Variants in SEMA4G observed in about 807,000 individuals in gnomAD.
SEMA4G encodes the protein semaphorin 4G, also known as semaphorin-4G.
SEMA4G carries 59 observed loss-of-function variants against 81.2 expected under a neutral mutation model. The ratio of observed to expected loss-of-function variants is 0.73; its 90% CI spans 0.59 to 0.90. The LOEUF is 0.90. Ranked by LOEUF, SEMA4G falls within the 40% of genes least tolerant of loss-of-function variation. SEMA4G has a pLI of 0.00. For missense variants in SEMA4G, 952 were observed against 1,102.3 expected, an observed-to-expected ratio of 0.86 and a Z score of 1.93; for synonymous variants, 404 against 433.9, an observed-to-expected ratio of 0.93 and a Z score of 0.86.
At position 100,973,016 on chromosome 10, in the gene SEMA4G, G is replaced by A. The variant is rs768824226; in HGVS notation, c.104G>A (p.Arg35Gln). ...TCTAGAGAACTAGATGCCACCCCTC[G>A]GATGACCATACCCTATGAAGGTTAG... The change falls in exon 1 of 14, where the codon CGG becomes CAG. Residue 35 changes from arginine to glutamine, a missense_variant. Physicochemically the swap from Arg to Gln is conservative, Grantham distance 43 (BLOSUM62 1). Around this residue, in one of 3 missense-constraint regions of SEMA4G, gnomAD observed 436 missense variants for 488.2 expected, o/e 0.89. Coordinates refer to ENST00000370250, the Ensembl canonical transcript of SEMA4G. The surrounding 1 kb of genome is among the most constrained non-coding windows in gnomAD (Gnocchi z 5.5). The A allele has an allele frequency of 1.2e-5, 20 of 1,613,922 alleles. No homozygotes were observed. Among genetic ancestry groups the A allele is most frequent in the Admixed American group, 3.3e-5 (2 of 59,990 alleles).
At chr10:100,978,323 G>C (rs151095552) in exon 5 of SEMA4G, 1 of 1,613,606 alleles carries the variant, frequency 6.2e-7, no homozygotes, top group Non-Finnish European at 8.5e-7. Flanking sequence ...TTGCCAACCA[G>C]CTTCGAGGAG....
intron 8 of SEMA4G, 36 bp downstream of exon 9, chr10:100,979,307 G>A (rs748319127): frequency 3.9e-5 from 63 of 1,613,978 alleles, no homozygotes; most frequent in South Asian, 2.1e-4. Flanking sequence ...AAGAAACTGC[G>A]GACAGCATAG....
At position 100,973,055 on chromosome 10, in the gene SEMA4G, AAAGG is replaced by A. The variant is rs746339193; in HGVS notation, c.124+20_124+23del. ...TATGAAGGTTAGACCCTCAACCTCAAAAGGCAGCAGAAGCCAGGGCTGGGGGTGG... is the reference window on the plus strand; with the variant it reads ...TATGAAGGTTAGACCCTCAACCTCAACAGCAGAAGCCAGGGCTGGGGGTGG... On this transcript the variant is annotated intron_variant, in intron 1 of 13. Coordinates refer to ENST00000370250, the Ensembl canonical transcript of SEMA4G. The surrounding 1 kb of genome is among the most constrained non-coding windows in gnomAD (Gnocchi z 5.5). The A allele has an allele frequency of 6.2e-7, 1 of 1,614,134 alleles. No individual in the cohort carries two copies. The highest frequency in any genetic ancestry group is 8.5e-7 in the Non-Finnish European group (1 of 1,180,010).
At chr10:100,981,196 G>A in exon 13 of SEMA4G, 1 of 1,614,248 alleles carries the variant, frequency 6.2e-7, no homozygotes, top group Non-Finnish European at 8.5e-7. Context: ...CATAGAGAGA[G>A]GAAATCGAGG....
At chr10:100,984,560 T>C (rs1370845164) in exon 14 of SEMA4G, 2 of 1,536,194 alleles carry the variant, frequency 1.3e-6, no homozygotes, top group African/African-American at 1.4e-5. Context: ...TGGATGGTCC[T>C]GAAACCAGAC....
rs750643700 is a variant in SEMA4G, at chr10:100,973,221, C to T, written c.217C>T (p.Arg73Ter). Residue 73 changes from arginine to a stop codon, truncating the protein, a stop_gained, in exon 2 of 14, where the codon CGA becomes TGA. Coordinates refer to ENST00000370250, the Ensembl canonical transcript of SEMA4G. LOFTEE classifies it high-confidence loss of function. This position sits in a 1 kb window ranked among gnomAD's most constrained non-coding sequence, Gnocchi z 5.5. ...CTCAGCAAGGCTGCTGGTGGGAGCC[C>T]GAGGTGCCCTGTTCTCTCTCAGTGC... 40 of 1,613,408 alleles carry T rather than the reference C, an allele frequency of 2.5e-5. No individual in the cohort carries two copies. Among genetic ancestry groups the T allele is most frequent in the Non-Finnish European group, 3.1e-5 (37 of 1,180,008 alleles).
At position 100,978,998 on chromosome 10, in the gene SEMA4G, C is replaced by T. The variant is rs765262844; in HGVS notation, c.793C>T (p.Arg265Cys). 1.2e-5 allele frequency: 19 copies of T among 1,614,024 alleles called. No individual in the cohort carries two copies. The highest frequency in any genetic ancestry group is 5.3e-5 in the African/African-American group (4 of 74,926). The change falls in exon 7 of 14, where the codon CGT becomes TGT. Residue 265 changes from arginine to cysteine, a missense_variant. This residue lies in a region of SEMA4G where 436 missense variants were observed against 488.2 expected (regional missense o/e 0.89). Transcript: ENST00000370250. ...GAGCCGCAGCAGTCACCGTGTGGCC[C>T]GTGTGGCTCGTGTCTGCAAGGTGGA... is the stretch of plus-strand genomic sequence containing the variant.
chr10:100,970,900 A>T (rs1249734009), upstream of SEMA4G, among the ~76,000 whole-genome samples: 5 of 152,200 alleles, frequency 3.3e-5, no homozygotes, highest in South Asian at 2.1e-4. Flanking sequence ...ACAGTCCTTG[A>T]CACAAACCCA....
At chr10:100,978,954 G>A (rs1850925211) in exon 7 of SEMA4G, 3 of 1,614,090 alleles carry the variant, frequency 1.9e-6, no homozygotes, top group East Asian at 2.2e-5. Flanking sequence ...ACTGAGGAGG[G>A]CTCTGGCAGC....
upstream of SEMA4G, among the ~76,000 whole-genome samples, chr10:100,971,993 GGGCAGAGATGT>G (rs1472734565): frequency 2.6e-5 from 4 of 152,286 alleles, no homozygotes; most frequent in East Asian, 7.7e-4. Context: ...AGACTGGCGT[GGGCAGAGATGT>G]GCACCCCCTT....
chr10:100,983,391 G>A lies in SEMA4G; in HGVS notation c.1777G>A (p.Ala593Thr), dbSNP rs1851219065. The change falls in exon 14 of 14, where the codon GCC becomes ACC. Residue 593 changes from alanine (A) to threonine (T), a missense_variant. Coordinates refer to ENST00000370250, the Ensembl canonical transcript of SEMA4G. ...TGACCAGCCATCCAACCTGGCCCGGGCCTTGTGGCTACTCAATGGGAGCAT... is the reference window on the plus strand; with the variant it reads ...TGACCAGCCATCCAACCTGGCCCGGACCTTGTGGCTACTCAATGGGAGCAT... The A allele has an allele frequency of 1.9e-6, 3 of 1,611,896 alleles. No individual in the cohort carries two copies. In the East Asian group the frequency reaches 6.7e-5, roughly 36 times the overall value.
chr10:100,978,594 C>A (rs1850906271), exon 6 of SEMA4G: 15 of 1,614,148 alleles, frequency 9.3e-6, no homozygotes, highest in Non-Finnish European at 1.3e-5. Flanking sequence ...GGAGCCGCCA[C>A]CCACACTCCC....
chr10:100,984,197 C>T (rs1180250824), exon 14 of SEMA4G: 1 of 1,530,610 alleles, frequency 6.5e-7, no homozygotes, highest in Non-Finnish European at 8.7e-7. Context: ...GCCACTGCCT[C>T]CCTAACACAG....
Position 100,973,950 on chromosome 10 carries a change from A to T in SEMA4G, c.336+341A>T, listed in dbSNP as rs1850705248. ...CATGCCACGCCCAGCTAAGTGTTTT[A>T]TTTTTTGTAGAAACAGGGTCTTGCT... is the stretch of plus-strand genomic sequence containing the variant. On this transcript the variant is annotated intron_variant, in intron 3 of 13. Coordinates refer to ENST00000370250, the Ensembl canonical transcript of SEMA4G. The surrounding 1 kb of genome is among the most constrained non-coding windows in gnomAD (Gnocchi z 5.5). Among the ~76,000 whole-genome samples the T allele has an allele frequency of 6.6e-6, 1 of 151,360 alleles. No individual in the cohort carries two copies. Among genetic ancestry groups the T allele is most frequent in the Non-Finnish European group, 1.5e-5 (1 of 67,848 alleles).
In SEMA4G at chr10:100,978,517, CCCA is replaced by C. The variant is rs761750855; in HGVS notation, c.530-8_530-6del. On this transcript the variant is annotated splice_polypyrimidine_tract_variant and splice_region_variant and intron_variant, in intron 5 of 13. Coordinates refer to ENST00000370250, the Ensembl canonical transcript of SEMA4G. ...ACATGTCTCTCATGCCTGGAATATC[CCCA>C]CGCCAGATGGAGGCCTCTACACAGC... 2.8e-5 allele frequency: 45 copies of C among 1,612,426 alleles called. No homozygotes were observed. The East Asian group carries it at 7.8e-4, about 28-fold the overall frequency.
upstream of SEMA4G, among the ~76,000 whole-genome samples, chr10:100,971,116 ATGTGTGTG>A (rs10563529): frequency 5.3e-5 from 8 of 151,416 alleles, no homozygotes; most frequent in South Asian, 1.7e-3. Flanking sequence ...CCTTGTGAAC[ATGTGTGTG>A]TGTGTGTGTG....
At chr10:100,983,314 C>T in exon 14 of SEMA4G, 1 of 1,546,054 alleles carries the variant, frequency 6.5e-7, no homozygotes, top group Non-Finnish European at 8.7e-7. Context: ...GGGCCACCAC[C>T]ACCACTGAAG....
At chr10:100,977,526 C>T (rs371851497) in intron 3 of SEMA4G, 106 bp from the exon 5 acceptor site, 7 of 827,900 alleles carry the variant, frequency 8.5e-6, no homozygotes, top group Admixed American at 3.5e-5. Flanking sequence ...TGGAAAGAAC[C>T]GTTTGTCCTG....
downstream of SEMA4G, chr10:100,985,230 A>G (rs1313689869): frequency 7.3e-5 from 18 of 248,228 alleles, no homozygotes; most frequent in Admixed American, 7.3e-4. Context: ...TCTTGGAACT[A>G]TGCAAAGGGC....
Sources: allele counts gnomAD v4.1 joint callset (sites outside exome capture counted in the v4.1 genomes callset), GRCh38; gene constraint gnomAD v4.1.1; regional missense constraint gnomAD v4.1.1; non-coding constraint Gnocchi (gnomAD v3.1); transcripts MANE v1.5; gene names NCBI Gene and HGNC (gene_info 2026-07-23, HGNC 2026-07-21).